MTSS1: variants seen among roughly 807,000 people sequenced by gnomAD.
MTSS1 encodes MTSS I-BAR domain containing 1.
Under a neutral mutation model 79.0 loss-of-function variants are expected in MTSS1, and 18 were observed. The observed-to-expected ratio is 0.23, with a 90% CI of 0.16 to 0.34. MTSS1 has a LOEUF of 0.34. Among genes scored for constraint, MTSS1 ranks in the 10% least tolerant of loss-of-function variants. The probability of loss-of-function intolerance (pLI) is 1.00; values close to 1 mark genes in which losing one functional copy is unlikely to be tolerated. For missense variants in MTSS1, 815 were observed against 986.2 expected, an observed-to-expected ratio of 0.83 and a Z score of 2.33; for synonymous variants, 341 against 368.6, an observed-to-expected ratio of 0.93 and a Z score of 0.86.
intron 3 of MTSS1, among the ~76,000 whole-genome samples, chr8:124,687,277 T>C (rs1827143489): frequency 6.6e-6 from 1 of 152,078 alleles, no homozygotes; most frequent in African/African-American, 2.4e-5. Flanking sequence ...ACAGACATAC[T>C]GTAGTCAGTG....
intron 3 of MTSS1, among the ~76,000 whole-genome samples, chr8:124,600,859 G>T (rs1333955340): frequency 6.6e-6 from 1 of 152,268 alleles, no homozygotes; most frequent in Admixed American, 6.5e-5. Flanking sequence ...TGCCTGGAAG[G>T]TTCTGTTTGT....
At chr8:124,584,302 T>C (rs944185227) in intron 6 of MTSS1, among the ~76,000 whole-genome samples, 1 of 152,252 alleles carries the variant, frequency 6.6e-6, no homozygotes, top group Non-Finnish European at 1.5e-5. Context: ...AATCCCATCT[T>C]ATCAGTTGTG....
chr8:124,692,671 C>T (rs1182316972), intron 3 of MTSS1, among the ~76,000 whole-genome samples: 1 of 152,134 alleles, frequency 6.6e-6, no homozygotes, highest in African/African-American at 2.4e-5. Flanking sequence ...GTCCTTTGCA[C>T]CAGAGACTTG....
At chr8:124,713,442 T>C (rs1831457839) in intron 1 of MTSS1, among the ~76,000 whole-genome samples, 1 of 152,246 alleles carries the variant, frequency 6.6e-6, no homozygotes, top group African/African-American at 2.4e-5. Context: ...GGGTTTGTTT[T>C]GAGACAGTCT....
intron 3 of MTSS1, among the ~76,000 whole-genome samples, chr8:124,592,977 C>A (rs965807167): frequency 2.6e-5 from 4 of 152,190 alleles, no homozygotes; most frequent in African/African-American, 7.2e-5. Flanking sequence ...TAAAAGAACC[C>A]AAGCGAGGGC....
At chr8:124,690,104 C>T (rs1220314769) in intron 3 of MTSS1, among the ~76,000 whole-genome samples, 1 of 152,166 alleles carries the variant, frequency 6.6e-6, no homozygotes, top group Non-Finnish European at 1.5e-5. Context: ...AACTCAGTCA[C>T]CCATAAAAAC....
chr8:124,577,783 TCC>T (rs1210514693), intron 6 of MTSS1, among the ~76,000 whole-genome samples: 3 of 152,228 alleles, frequency 2.0e-5, no homozygotes, highest in Admixed American at 2.0e-4. Flanking sequence ...TCCACTGACA[TCC>T]CTGTGGGAAG....
intron 3 of MTSS1, among the ~76,000 whole-genome samples, chr8:124,645,085 C>A (rs1274415439): frequency 6.6e-5 from 10 of 152,078 alleles, no homozygotes; most frequent in Non-Finnish European, 5.9e-5. Context: ...ATGCATTTTT[C>A]AGCCAGGTGC....
intron 3 of MTSS1, among the ~76,000 whole-genome samples, chr8:124,626,007 CTG>C (rs3050530): frequency 0.22 from 34,168 of 152,084 alleles, 4,096 homozygotes; most frequent in South Asian, 0.42. Flanking sequence ...CAGCAGGAAA[CTG>C]TGCAGAGTCT....
intron 5 of MTSS1, among the ~76,000 whole-genome samples, chr8:124,587,005 T>C (rs1414249047): frequency 2.0e-5 from 3 of 152,112 alleles, no homozygotes; most frequent in Non-Finnish European, 4.4e-5. Flanking sequence ...CTATTTGAAG[T>C]CTCAGCTTTG....
intron 8 of MTSS1, 122 bp from the exon 9 acceptor site, chr8:124,565,881 C>A: frequency 5.6e-6 from 4 of 717,072 alleles, no homozygotes; most frequent in South Asian, 2.2e-5. Flanking sequence ...GAAAGCAAAA[C>A]ATGTTAAAAA....
chr8:124,673,948 G>C (rs1824787958), intron 3 of MTSS1, among the ~76,000 whole-genome samples: 1 of 152,096 alleles, frequency 6.6e-6, no homozygotes, highest in African/African-American at 2.4e-5. Context: ...ACACAGGAAG[G>C]GTCCTCTTCC....
At chr8:124,718,524 G>A (rs1249488262) in intron 1 of MTSS1, among the ~76,000 whole-genome samples, 1 of 152,056 alleles carries the variant, frequency 6.6e-6, no homozygotes, top group Admixed American at 6.6e-5. Flanking sequence ...TCCTGCTGCC[G>A]AGCGGGCTTT....
chr8:124,666,153 C>T (rs1823031219), intron 3 of MTSS1, among the ~76,000 whole-genome samples: 1 of 152,244 alleles, frequency 6.6e-6, no homozygotes, highest in African/African-American at 2.4e-5. Context: ...CTCCATTAAA[C>T]TGATCTCCCT....
At chr8:124,598,537 A>G (rs1833170283) in intron 3 of MTSS1, among the ~76,000 whole-genome samples, 1 of 152,122 alleles carries the variant, frequency 6.6e-6, no homozygotes, top group Non-Finnish European at 1.5e-5. Flanking sequence ...TGACATGCTC[A>G]CTGCACCAGT....
chr8:124,565,682 G>A lies in MTSS1; in HGVS notation c.804C>T (p.Ser268=). 1 of 1,614,040 alleles carries A rather than the reference G, an allele frequency of 6.2e-7. No homozygotes were observed. Among genetic ancestry groups the A allele is most frequent in the Non-Finnish European group, 8.5e-7 (1 of 1,179,942 alleles). ...TPPSSPSTTM[S]RKSSVCSSLN... ...CTCACCTGCAGACACTGGACTTTCT[G>A]GACATGGTGGTGCTGGGGGAAGAGG... The change falls in exon 9 of 14, where the codon TCC becomes TCT. Residue 268 remains serine (S), a synonymous_variant. Coordinates refer to ENST00000518547, the MANE Select transcript of MTSS1 (RefSeq NM_014751.6).
chr8:124,605,794 C>A (rs546990275), intron 3 of MTSS1, among the ~76,000 whole-genome samples: 1 of 152,090 alleles, frequency 6.6e-6, no homozygotes, highest in Non-Finnish European at 1.5e-5. Context: ...CAGAATATAG[C>A]GACTTTATCA....
At chr8:124,666,393 T>C (rs997914063) in intron 3 of MTSS1, among the ~76,000 whole-genome samples, 1 of 152,226 alleles carries the variant, frequency 6.6e-6, no homozygotes, top group East Asian at 1.9e-4. Context: ...ACAAGCACGA[T>C]AGAGGGAAAA....
intron 4 of MTSS1, 66 bp downstream of exon 4, chr8:124,591,085 A>T: frequency 1.5e-6 from 2 of 1,330,718 alleles, no homozygotes; most frequent in Non-Finnish European, 2.2e-6. Context: ...TGTGCCACAC[A>T]TGACTGCTTC....
Sources: allele counts gnomAD v4.1 joint callset (sites outside exome capture counted in the v4.1 genomes callset), GRCh38; gene constraint gnomAD v4.1.1; transcripts MANE v1.5; gene names NCBI Gene and HGNC (gene_info 2026-07-23, HGNC 2026-07-21).